Variants in NIPBL observed in about 807,000 individuals in gnomAD.
NIPBL encodes the protein nipped-B-like protein.
NIPBL carries 19 observed loss-of-function variants against 321.8 expected under a neutral mutation model. The observed-to-expected ratio is 0.06, with a 90% CI of 0.04 to 0.09. NIPBL has a LOEUF of 0.09. Ranked by LOEUF, NIPBL falls within the 10% of genes least tolerant of loss-of-function variation. The pLI, the probability that NIPBL is intolerant of heterozygous loss-of-function variation, is 1.00. For missense variants in NIPBL, 2,210 were observed against 3,327.0 expected, an observed-to-expected ratio of 0.66 and a Z score of 8.26; for synonymous variants, 1,106 against 1,114.1, an observed-to-expected ratio of 0.99 and a Z score of 0.14.
At chr5:37,031,740 C>A (rs1312889472) in intron 32 of NIPBL, among the ~76,000 whole-genome samples, 1 of 152,134 alleles carries the variant, frequency 6.6e-6, no homozygotes, top group East Asian at 1.9e-4. Flanking sequence ...CTATGACAAT[C>A]CCATGCAATT....
intron 1 of NIPBL, among the ~76,000 whole-genome samples, chr5:36,879,869 A>G (rs1182380521): frequency 6.6e-6 from 1 of 152,112 alleles, no homozygotes; most frequent in Non-Finnish European, 1.5e-5. Context: ...CATTAAATAG[A>G]TAATTTTCAA....
intron 34 of NIPBL, among the ~76,000 whole-genome samples, chr5:37,041,045 G>A (rs1041707666): frequency 6.6e-6 from 1 of 150,560 alleles, no homozygotes. Flanking sequence ...TTTTAGGAGA[G>A]CTCTTTATTT....
At chr5:37,000,736 C>T (rs922939417) in intron 12 of NIPBL, 81 bp from the exon 13 acceptor site, 2 of 1,371,472 alleles carry the variant, frequency 1.5e-6, no homozygotes, top group Non-Finnish European at 2.1e-6. Context: ...CTTTAACGTT[C>T]AGGAAAAAAA....
intron 1 of NIPBL, among the ~76,000 whole-genome samples, chr5:36,942,722 C>G (rs1739250328): frequency 6.8e-6 from 1 of 146,064 alleles, no homozygotes; most frequent in African/African-American, 2.6e-5. Flanking sequence ...GCCTGGGTGA[C>G]AGACTCTGTC....
chr5:36,886,053 C>G (rs1745881064), intron 1 of NIPBL: 8 of 709,102 alleles, frequency 1.1e-5, no homozygotes, highest in South Asian at 9.7e-5. Flanking sequence ...GTGGTCACCA[C>G]TCAGTCCGCG....
chr5:36,988,810 G>A lies in NIPBL; in HGVS notation c.3121+2509G>A, dbSNP rs181755929. On this transcript the variant is annotated intron_variant, in intron 10 of 46. Transcript: ENST00000282516. ...CCATCTTTTAAATATTTTACCTGAT[G>A]TTCATATAGAAAATATTCATTCTTT... 3.1e-3 allele frequency among the ~76,000 whole-genome samples: 469 copies of A among 152,064 alleles called. 2 individuals are homozygous for A. Among genetic ancestry groups the A allele is most frequent in the Non-Finnish European group, 3.8e-3 (261 of 67,944 alleles).
intron 11 of NIPBL, 139 bp downstream of exon 11, chr5:36,995,943 C>G: frequency 1.4e-6 from 1 of 700,842 alleles, no homozygotes; most frequent in South Asian, 1.9e-5. Flanking sequence ...GTTTTTTTCT[C>G]TATACTTTAA....
At chr5:36,885,732 C>A (rs1355912309) in intron 1 of NIPBL, 8 of 594,186 alleles carry the variant, frequency 1.3e-5, no homozygotes, top group Non-Finnish European at 2.5e-5. Flanking sequence ...ATGTGCCAGT[C>A]TGTAGAGAAC....
intron 1 of NIPBL, among the ~76,000 whole-genome samples, chr5:36,914,562 ATGGGG>A (rs1240520400): frequency 6.6e-6 from 1 of 152,190 alleles, no homozygotes; most frequent in East Asian, 1.9e-4. Context: ...GGCTATGTGT[ATGGGG>A]TGTATATGAA....
At chr5:37,015,039 T>A (rs1748773369) in intron 22 of NIPBL, among the ~76,000 whole-genome samples, 1 of 152,208 alleles carries the variant, frequency 6.6e-6, no homozygotes, top group Admixed American at 6.5e-5. Flanking sequence ...TTCTGTAATT[T>A]GTCTTCAGTA....
Position 37,046,123 on chromosome 5 carries a change from TA to T in NIPBL, c.6516del (p.Val2173TyrfsTer5). ...KGNSKVNIKD[K>X]VLELLMYFTK... is the part of the protein sequence containing the mutation. ...CCTCCCCTTAGGTTAACATAAAAGATAAAGTACTTGAACTATTGATGTATTT... is the reference window on the plus strand; with the variant it reads ...CCTCCCCTTAGGTTAACATAAAAGATAAGTACTTGAACTATTGATGTATTT... On this transcript the variant is annotated frameshift_variant, in exon 38 of 47. Coordinates refer to ENST00000282516, the MANE Select transcript of NIPBL (RefSeq NM_133433.4). LOFTEE classifies it high-confidence loss of function. 1 of 1,531,276 alleles carries T rather than the reference TA, an allele frequency of 6.5e-7. No individual in the cohort carries two copies. Among genetic ancestry groups the T allele is most frequent in the Non-Finnish European group, 9.1e-7 (1 of 1,104,860 alleles). The allele number at this position is 1,531,276 out of a possible 1,614,324, so 94.9% of individuals were successfully genotyped here. A position where few individuals can be genotyped will look rare whatever the true frequency, so the allele number is the denominator to read the frequency against.
intron 1 of NIPBL, chr5:36,886,154 G>A: frequency 1.6e-6 from 1 of 642,820 alleles, no homozygotes; most frequent in Non-Finnish European, 2.9e-6. Flanking sequence ...AAATCTGAAG[G>A]CCAGCTTCTG....
Position 36,952,007 on chromosome 5 carries a change from ACT to A in NIPBL, c.-79-1608_-79-1607del, listed in dbSNP as rs1362143457. Among the ~76,000 whole-genome samples the A allele has an allele frequency of 5.5e-5, 5 of 91,620 alleles. No homozygotes were observed. In the East Asian group the frequency reaches 2.0e-3, roughly 37 times the overall value. 60.1% of individuals were successfully genotyped at this position (91,620 alleles called of 152,430 possible). On this transcript the variant is annotated intron_variant, in intron 1 of 46. Transcript: ENST00000282516. ...TGATTCTATGGATGCTTACTTTATA[ACT>A]CTGTTAAACTGTGTGTGTGTGTGTG...
At chr5:37,001,882 T>G (rs952965583) in intron 14 of NIPBL, among the ~76,000 whole-genome samples, 1 of 152,210 alleles carries the variant, frequency 6.6e-6, no homozygotes, top group South Asian at 2.1e-4. Context: ...AAAGTAAGTA[T>G]TTGTTTTGTG....
intron 46 of NIPBL, 133 bp from the exon 47 acceptor site, chr5:37,064,394 A>G (rs1755170183): frequency 6.5e-7 from 1 of 1,537,980 alleles, no homozygotes; most frequent in African/African-American, 1.4e-5. Context: ...GGTGCGTCTC[A>G]TTGCCGGCAA....
rs751127087 is a variant in NIPBL at position 36,972,045 on chromosome 5, C to G, written c.868+4C>G. 1.3e-5 allele frequency: 21 copies of G among 1,582,342 alleles called. No individual in the cohort carries two copies. The Admixed American group carries it at 2.0e-4, about 15-fold the overall frequency. ...GGAAGTGAAGGAACTCCTAAAGGTA[C>G]TACTGTAACTAAAATTTCCTTCTGT... On this transcript the variant is annotated splice_donor_region_variant and intron_variant, in intron 8 of 46. Coordinates refer to ENST00000282516, the MANE Select transcript of NIPBL (RefSeq NM_133433.4).
chr5:37,018,235 T>C (rs1459208041), intron 24 of NIPBL, among the ~76,000 whole-genome samples: 2 of 152,212 alleles, frequency 1.3e-5, no homozygotes, highest in African/African-American at 4.8e-5. Context: ...TGTATATTTC[T>C]GCAAACAAGA....
chr5:37,053,950 C>T (rs377520844), intron 42 of NIPBL, among the ~76,000 whole-genome samples: 91 of 152,248 alleles, frequency 6.0e-4, no homozygotes, highest in African/African-American at 1.9e-3. Context: ...GTAATCCCAG[C>T]GCTTTGGGAG....
intron 6 of NIPBL, among the ~76,000 whole-genome samples, chr5:36,967,854 C>T (rs138888801): frequency 1.4e-4 from 21 of 152,182 alleles, no homozygotes; most frequent in Admixed American, 7.2e-4. Flanking sequence ...AATCCTATCA[C>T]TTTGGGAGGC....
Sources: allele counts gnomAD v4.1 joint callset (sites outside exome capture counted in the v4.1 genomes callset), GRCh38; gene constraint gnomAD v4.1.1; transcripts MANE v1.5; gene names NCBI Gene and HGNC (gene_info 2026-07-23, HGNC 2026-07-21).